Variants in ATG7 observed in about 807,000 individuals in gnomAD.
ATG7 encodes the protein ubiquitin-like modifier-activating enzyme ATG7.
Under a neutral mutation model 82.4 loss-of-function variants are expected in ATG7, and 70 were observed. That is an observed-to-expected ratio of 0.85 (90% CI 0.70 to 1.04). The LOEUF (loss-of-function observed/expected upper bound fraction) is 1.04. Among genes scored for constraint, ATG7 ranks in the 50% least tolerant of loss-of-function variants. The probability of loss-of-function intolerance (pLI) is 0.00; values close to 1 mark genes in which losing one functional copy is unlikely to be tolerated. For synonymous variants in ATG7, 287 were observed against 313.0 expected, an observed-to-expected ratio of 0.92 and a Z score of 0.88; for missense variants, 792 against 864.3, an observed-to-expected ratio of 0.92 and a Z score of 1.05.
At chr3:11,423,918 T>C (rs1489087163) in intron 19 of ATG7, among the ~76,000 whole-genome samples, 1 of 152,206 alleles carries the variant, frequency 6.6e-6, no homozygotes, top group Non-Finnish European at 1.5e-5. Flanking sequence ...TTTTCTGTCC[T>C]GACCAGAGGC....
At chr3:11,357,489 T>C (rs1040756426) in intron 14 of ATG7, among the ~76,000 whole-genome samples, 2 of 152,192 alleles carry the variant, frequency 1.3e-5, no homozygotes, top group African/African-American at 4.8e-5. Context: ...TACTCCTAAG[T>C]AGATTTTTTG....
intron 20 of ATG7, among the ~76,000 whole-genome samples, chr3:11,444,907 C>T: frequency 6.6e-6 from 1 of 152,126 alleles, no homozygotes; most frequent in East Asian, 1.9e-4. Context: ...GACATAAACA[C>T]ACACTTCTAA....
chr3:11,510,145 A>T (rs1469663442), intron 20 of ATG7: 3 of 449,750 alleles, frequency 6.7e-6, no homozygotes, highest in South Asian at 4.7e-5. Flanking sequence ...CGTGCCTGAC[A>T]CAGAGTTGCC....
rs199999326 is a variant in ATG7, at chr3:11,288,024, T to TA, written c.-11+5594dup. On this transcript the variant is annotated intron_variant, in intron 3 of 20. Coordinates refer to ENST00000693202, the MANE Select transcript of ATG7 (RefSeq NM_001349232.2). ...GGTTTTTGCATTTTTTTAAGGGTTGTAAAAAAAATAAAATACACAGCAGAC... is the reference window on the plus strand; with the variant it reads ...GGTTTTTGCATTTTTTTAAGGGTTGTAAAAAAAAATAAAATACACAGCAGAC... Among the ~76,000 whole-genome samples the TA allele has an allele frequency of 6.4e-3, 970 of 152,116 alleles. 8 individuals carry two copies. The highest frequency in any genetic ancestry group is 0.014 in the African/African-American group (594 of 41,500).
At chr3:11,560,787 C>T (rs150410521), downstream of ATG7, among the ~76,000 whole-genome samples, 250 of 152,302 alleles carry the variant, frequency 1.6e-3, 1 homozygote, top group African/African-American at 5.8e-3. Flanking sequence ...AGGGTTCGTA[C>T]GGCCTCCATG....
At chr3:11,551,745 T>G (rs1206907962) in intron 20 of ATG7, among the ~76,000 whole-genome samples, 3 of 136,640 alleles carry the variant, frequency 2.2e-5, no homozygotes, top group Admixed American at 7.0e-5. Context: ...AATGGGTTCT[T>G]TTCTTTTCTT....
In ATG7 at chr3:11,556,607, A is replaced by C. The variant is rs2072437328; in HGVS notation, c.*1764A>C. On this transcript the variant is annotated 3_prime_UTR_variant, in exon 21 of 21. Transcript: ENST00000693202. The stretch of plus-strand genomic sequence containing the variant: ...ACAGACAAATCTACGACAAAAAAAA[A>C]GATCAACTTTTTTTTTCCGAACAAC... 1 of 152,506 alleles carries C rather than the reference A, an allele frequency of 6.6e-6. No homozygotes were observed. Among genetic ancestry groups the C allele is most frequent in the South Asian group, 2.1e-4 (1 of 4,820 alleles). The allele number at this position is 152,506 out of a possible 1,614,324, so 9.4% of individuals were successfully genotyped here. A position where few individuals can be genotyped will look rare whatever the true frequency, so the allele number is the denominator to read the frequency against.
chr3:11,368,250 AAAGAAG>A (rs1212452849), intron 18 of ATG7, among the ~76,000 whole-genome samples: 18 of 150,228 alleles, frequency 1.2e-4, no homozygotes, highest in African/African-American at 2.7e-4. Context: ...AAAAAAAAAA[AAAGAAG>A]AAGAAGAAGA....
At chr3:11,566,484 C>T in the ATG7 span, among the ~76,000 whole-genome samples, 1 of 152,206 alleles carries the variant, frequency 6.6e-6, no homozygotes, top group Non-Finnish European at 1.5e-5. Flanking sequence ...CCACATCCAG[C>T]CCTTAGTGAA....
At chr3:11,320,035 C>T (rs1437969451) in intron 9 of ATG7, among the ~76,000 whole-genome samples, 2 of 152,200 alleles carry the variant, frequency 1.3e-5, no homozygotes, top group Non-Finnish European at 2.9e-5. Context: ...TTAATACGGC[C>T]TACAAGAGTC....
chr3:11,462,986 A>G (rs1161087073), intron 20 of ATG7, among the ~76,000 whole-genome samples: 2 of 151,778 alleles, frequency 1.3e-5, no homozygotes, highest in African/African-American at 4.8e-5. Flanking sequence ...CCTGGGTTCA[A>G]GCGATTCTTC....
chr3:11,521,442 C>T (rs2092439159), intron 20 of ATG7, among the ~76,000 whole-genome samples: 1 of 152,138 alleles, frequency 6.6e-6, no homozygotes, highest in Non-Finnish European at 1.5e-5. Flanking sequence ...GGAAAAGGCG[C>T]ATCGCACAGC....
At chr3:11,494,520 A>G (rs948405469) in intron 20 of ATG7, among the ~76,000 whole-genome samples, 5 of 152,226 alleles carry the variant, frequency 3.3e-5, no homozygotes, top group Non-Finnish European at 5.9e-5. Context: ...GCCGGTTTCA[A>G]TGGGCTGTTC....
At chr3:11,484,811 G>C (rs1015841038) in intron 20 of ATG7, among the ~76,000 whole-genome samples, 3 of 151,994 alleles carry the variant, frequency 2.0e-5, no homozygotes, top group African/African-American at 4.8e-5. Context: ...TTTTGTTCTT[G>C]CGATAGTTTA....
intron 3 of ATG7, among the ~76,000 whole-genome samples, chr3:11,297,336 C>G (rs1295526578): frequency 6.6e-6 from 1 of 152,112 alleles, no homozygotes; most frequent in East Asian, 1.9e-4. Flanking sequence ...GTAGCCTGGG[C>G]AGCAGAGCGT....
rs538594146 is a variant in ATG7 at position 11,307,194 on chromosome 3, T to C, written c.333+134T>C. ...ACTTAAAGACACTTGTGGGCTTTGG[T>C]ATATTTCTCCAGAGAGAATACTCCC... On this transcript the variant is annotated intron_variant, in intron 6 of 20. Coordinates refer to ENST00000693202, the MANE Select transcript of ATG7 (RefSeq NM_001349232.2). 2.1e-4 allele frequency: 173 copies of C among 822,386 alleles called. 2 individuals carry two copies. In the South Asian group the frequency reaches 2.5e-3, roughly 12 times the overall value. 50.9% of individuals were successfully genotyped at this position (822,386 alleles called of 1,614,324 possible).
chr3:11,435,447 G>A (rs1261879864), intron 20 of ATG7, among the ~76,000 whole-genome samples: 2 of 152,200 alleles, frequency 1.3e-5, no homozygotes, highest in Non-Finnish European at 2.9e-5. Flanking sequence ...TACAGCTTCC[G>A]AAGATGAGTT....
At chr3:11,440,628 C>T (rs1223312657) in intron 20 of ATG7, among the ~76,000 whole-genome samples, 1 of 139,198 alleles carries the variant, frequency 7.2e-6, no homozygotes. Flanking sequence ...CCGGCCTTTA[C>T]TCTTAATTTC....
chr3:11,344,424 T>C (rs1444985663), intron 13 of ATG7, among the ~76,000 whole-genome samples: 1 of 152,236 alleles, frequency 6.6e-6, no homozygotes, highest in East Asian at 1.9e-4. Context: ...TTTCTGCACG[T>C]TTATATCAGA....
Sources: gnomAD v4.1 joint callset for allele counts (sites outside exome capture counted in the v4.1 genomes callset) on GRCh38, gnomAD v4.1.1 for gene constraint, MANE v1.5 for transcripts, NCBI Gene and HGNC (gene_info 2026-07-23, HGNC 2026-07-21) for gene names.